ADAMTS17: variants seen among roughly 807,000 people sequenced by gnomAD.
ADAMTS17 encodes A disintegrin and metalloproteinase with thrombospondin motifs 17.
A neutral mutation model predicts 141.5 loss-of-function variants in ADAMTS17; 113 were observed. The observed-to-expected ratio is 0.80, with a 90% confidence interval of 0.69 to 0.93. The LOEUF (loss-of-function observed/expected upper bound fraction) is 0.93, where lower values mean the gene tolerates loss of function less well. ADAMTS17 is among the 40% of genes least tolerant of loss of function. The pLI is 0.00. For synonymous variants in ADAMTS17, 768 were observed against 630.6 expected (o/e 1.22, Z -3.27); for missense variants, 1,659 against 1,517.9 (o/e 1.09, Z -1.54).
rs1391973998 is a variant in ADAMTS17, at chr15:100,133,199, G to C, written c.1575+15C>G. On this transcript the variant is annotated intron_variant, in intron 11 of 21. Coordinates refer to ENST00000268070, the MANE Select transcript of ADAMTS17 (RefSeq NM_139057.4). Reference sequence around the variant, plus strand: ...TGGAGCTGCCTGTTGGGGGCAGTGGGAAGTCAGAGGTTACCTTGTCTGCCC... The same window carrying C: ...TGGAGCTGCCTGTTGGGGGCAGTGGCAAGTCAGAGGTTACCTTGTCTGCCC... The C allele has an allele frequency of 5.1e-6, 8 of 1,573,290 alleles. No individual in the cohort carries two copies. The South Asian group carries it at 9.3e-5, about 18-fold the overall frequency.
At chr15:100,179,369 C>T (rs955180476) in intron 8 of ADAMTS17, among the ~76,000 whole-genome samples, 2 of 152,154 alleles carry the variant, frequency 1.3e-5, no homozygotes, top group African/African-American at 2.4e-5. Flanking sequence ...GTTCCATCCA[C>T]GTTGTTGCAA....
intron 2 of ADAMTS17, among the ~76,000 whole-genome samples, chr15:100,331,924 G>A (rs2046065320): frequency 1.3e-5 from 2 of 152,154 alleles, no homozygotes; most frequent in South Asian, 4.2e-4. Context: ...CCCACCACAC[G>A]CAGAGCTAAC....
At chr15:99,998,743 A>G (rs2060858316) in intron 18 of ADAMTS17, among the ~76,000 whole-genome samples, 2 of 152,176 alleles carry the variant, frequency 1.3e-5, no homozygotes, top group African/African-American at 4.8e-5. Context: ...CATGACACAC[A>G]AAGGGCTTCC....
intron 18 of ADAMTS17, among the ~76,000 whole-genome samples, chr15:100,023,875 G>A (rs115041053): frequency 9.0e-4 from 137 of 152,270 alleles, no homozygotes; most frequent in African/African-American, 3.2e-3. Context: ...CGTATTTTCT[G>A]CTTAGTAGAA....
chr15:99,972,240 G>A lies in ADAMTS17; in HGVS notation c.*2162C>T, dbSNP rs2060225598. On this transcript the variant is annotated 3_prime_UTR_variant, in exon 22 of 22. Transcript: ENST00000268070. The stretch of plus-strand genomic sequence containing the variant: ...CACTCCAGCCTGGGCAACAGAGGGA[G>A]ACTCTGTCTCAAAAAACAACACCGA... 6.6e-6 allele frequency: 1 copy of A among 152,006 alleles called. No homozygotes were observed. Among genetic ancestry groups the A allele is most frequent in the South Asian group, 2.1e-4 (1 of 4,834 alleles). 9.4% of individuals were successfully genotyped at this position (152,006 alleles called of 1,614,324 possible). A position where few individuals can be genotyped will look rare whatever the true frequency, so the allele number is the denominator to read the frequency against.
chr15:99,984,821 G>A (rs2039532362), intron 20 of ADAMTS17, among the ~76,000 whole-genome samples: 1 of 152,212 alleles, frequency 6.6e-6, no homozygotes, highest in Admixed American at 6.5e-5. Flanking sequence ...TGCAGGCAGT[G>A]ATTAGAACCT....
chr15:100,135,286 CTT>C (rs57372602), intron 10 of ADAMTS17, among the ~76,000 whole-genome samples: 13 of 145,038 alleles, frequency 9.0e-5, no homozygotes, highest in Admixed American at 1.4e-4. Flanking sequence ...AAATTAACAA[CTT>C]TTTTTTTTTT....
chr15:100,000,150 A>C (rs2060890911), intron 18 of ADAMTS17, among the ~76,000 whole-genome samples: 1 of 152,196 alleles, frequency 6.6e-6, no homozygotes, highest in Non-Finnish European at 1.5e-5. Flanking sequence ...TCTCCTTGGT[A>C]GGAGATGGAG....
chr15:100,337,354 G>A (rs1319951343), intron 2 of ADAMTS17, among the ~76,000 whole-genome samples: 2 of 152,228 alleles, frequency 1.3e-5, no homozygotes, highest in African/African-American at 2.4e-5. Context: ...TCAGAGTGAG[G>A]TGGGCTGGGC....
At chr15:100,214,632 T>C (rs1288654448) in intron 7 of ADAMTS17, among the ~76,000 whole-genome samples, 1 of 152,198 alleles carries the variant, frequency 6.6e-6, no homozygotes, top group African/African-American at 2.4e-5. Flanking sequence ...GCACTTTTAT[T>C]GGCCACTTCT....
intron 4 of ADAMTS17, among the ~76,000 whole-genome samples, chr15:100,278,711 C>CA (rs2044185090): frequency 6.6e-6 from 1 of 152,170 alleles, no homozygotes; most frequent in Admixed American, 6.5e-5. Flanking sequence ...AAATGGAAGA[C>CA]AAAGTACCAG....
chr15:100,243,887 C>A (rs1321624481), intron 7 of ADAMTS17, among the ~76,000 whole-genome samples: 1 of 151,630 alleles, frequency 6.6e-6, no homozygotes, highest in African/African-American at 2.4e-5. Context: ...TCCGCTTTAA[C>A]CCTCACAACA....
intron 14 of ADAMTS17, among the ~76,000 whole-genome samples, 171 bp downstream of exon 14, chr15:100,108,818 G>C (rs2036564901): frequency 6.6e-6 from 1 of 152,172 alleles, no homozygotes; most frequent in Non-Finnish European, 1.5e-5. Context: ...ACTGAGCTAG[G>C]GTTGGTGCAC....
chr15:100,341,236 G>A lies in ADAMTS17; in HGVS notation c.253C>T (p.Leu85=). ...TACAGGTCGCGCCCGAAGGCCGGCA[G>A]GTGCAGCAGCAGGGCGCGCTCTCCG... ...RPGERALLLH[L]PAFGRDLYLQ... is the part of the protein sequence containing the mutation. Residue 85 remains leucine, a synonymous_variant, in exon 2 of 22, where the codon CTG becomes TTG. Transcript: ENST00000268070. 1 of 1,414,218 alleles carries A rather than the reference G, an allele frequency of 7.1e-7. No individual in the cohort carries two copies. Among genetic ancestry groups the A allele is most frequent in the Non-Finnish European group, 9.2e-7 (1 of 1,082,348 alleles). The allele number at this position is 1,414,218 out of a possible 1,614,324, so 87.6% of individuals were successfully genotyped here.
chr15:99,972,908 AG>A lies in ADAMTS17; in HGVS notation c.*1493del, dbSNP rs1457466561. The A allele has an allele frequency of 1.2e-4, 18 of 152,392 alleles. No individual in the cohort carries two copies. Among genetic ancestry groups the A allele is most frequent in the African/African-American group, 3.6e-4 (15 of 41,574 alleles). 9.4% of individuals were successfully genotyped at this position (152,392 alleles called of 1,614,324 possible). On this transcript the variant is annotated 3_prime_UTR_variant, in exon 22 of 22. Transcript: ENST00000268070. The stretch of plus-strand genomic sequence containing the variant: ...ACAGAAACACAGCACCAATAAATCA[AG>A]AAGCACAGGGAGATGATCCCATGGA...
intron 7 of ADAMTS17, among the ~76,000 whole-genome samples, chr15:100,221,456 T>C (rs1477867590): frequency 3.3e-5 from 5 of 152,228 alleles, no homozygotes; most frequent in Admixed American, 3.3e-4. Context: ...GTGAATAAAG[T>C]TGTTCTGAAT....
chr15:100,127,936 C>G (rs1034280438), intron 12 of ADAMTS17, among the ~76,000 whole-genome samples: 1 of 151,638 alleles, frequency 6.6e-6, no homozygotes, highest in Non-Finnish European at 1.5e-5. Flanking sequence ...TAATACCTCT[C>G]CCATGGGGCT....
At chr15:100,162,990 CTA>C (rs1312384465) in intron 8 of ADAMTS17, among the ~76,000 whole-genome samples, 2 of 136,972 alleles carry the variant, frequency 1.5e-5, no homozygotes, top group African/African-American at 2.9e-5. Context: ...GTATATATAA[CTA>C]TATATGTATA....
chr15:100,174,283 A>G (rs2040260002), intron 8 of ADAMTS17, among the ~76,000 whole-genome samples: 1 of 150,354 alleles, frequency 6.7e-6, no homozygotes, highest in Admixed American at 6.6e-5. Context: ...TAGTGTTGGC[A>G]GATTCTGGAC....
Sources: allele counts gnomAD v4.1 joint callset (sites outside exome capture counted in the v4.1 genomes callset), GRCh38; gene constraint gnomAD v4.1.1; transcripts MANE v1.5; gene names NCBI Gene and HGNC (gene_info 2026-07-23, HGNC 2026-07-21).